METTL16: variants seen among roughly 807,000 people sequenced by gnomAD.
METTL16 encodes RNA N(6)-adenosine-methyltransferase METTL16.
In METTL16, 19 loss-of-function variants were observed where a neutral mutation model predicts 57.9. The observed-to-expected ratio is 0.33, with a 90% CI of 0.23 to 0.48. METTL16 has a LOEUF of 0.48. Among genes scored for constraint, METTL16 ranks in the 20% least tolerant of loss-of-function variants. The probability of loss-of-function intolerance (pLI) is 0.99; values close to 1 mark genes in which losing one functional copy is unlikely to be tolerated. For synonymous variants in METTL16, 246 were observed against 255.6 expected, an observed-to-expected ratio of 0.96 and a Z score of 0.36; for missense variants, 434 against 691.5, an observed-to-expected ratio of 0.63 and a Z score of 4.18.
Position 2,417,058 on chromosome 17 carries a change from C to CTTTTTTTTTTTTTTTTTTTTTTTTTTT in METTL16, c.*2885_*2911dup, listed in dbSNP as rs59854056. On this transcript the variant is annotated 3_prime_UTR_variant, in exon 10 of 10. Transcript: ENST00000263092. ...TGAAAGCTGGCCTGCTCATGGGTTCCTTTTTTTTTTTTTTTTTTTTTTTTT... is the reference window on the plus strand; with the variant it reads ...TGAAAGCTGGCCTGCTCATGGGTTCCTTTTTTTTTTTTTTTTTTTTTTTTTTTTTTTTTTTTTTTTTTTTTTTTTTTT... 2.6e-4 allele frequency: 16 copies of CTTTTTTTTTTTTTTTTTTTTTTTTTTT among 61,528 alleles called. 5 individuals carry two copies. Among genetic ancestry groups the CTTTTTTTTTTTTTTTTTTTTTTTTTTT allele is most frequent in the East Asian group, 1.6e-3 (2 of 1,274 alleles). 3.8% of individuals were successfully genotyped at this position (61,528 alleles called of 1,614,324 possible).
At chr17:2,482,816 C>T in intron 2 of METTL16, among the ~76,000 whole-genome samples, 1 of 152,120 alleles carries the variant, frequency 6.6e-6, no homozygotes, top group Non-Finnish European at 1.5e-5. Flanking sequence ...ACGCAGGAGG[C>T]AGGAGGATCA....
intron 8 of METTL16, among the ~76,000 whole-genome samples, chr17:2,426,224 CCGT>C (rs1156678247): frequency 1.3e-5 from 2 of 152,124 alleles, no homozygotes; most frequent in African/African-American, 4.8e-5. Context: ...AGTGCAGTGG[CCGT>C]CTGTTTTTTA....
chr17:2,416,059 T>C lies in METTL16; in HGVS notation c.*3911A>G, dbSNP rs2066712355. Reference sequence around the variant, plus strand: ...AGACCATGGCTAGTGTTTTTTTCTCTTTCTACTTTTATTTTTCAAATTTTA... The same window carrying C: ...AGACCATGGCTAGTGTTTTTTTCTCCTTCTACTTTTATTTTTCAAATTTTA... On this transcript the variant is annotated 3_prime_UTR_variant, in exon 10 of 10. Coordinates refer to ENST00000263092, the MANE Select transcript of METTL16 (RefSeq NM_024086.4). 6.6e-6 allele frequency: 1 copy of C among 152,238 alleles called. No individual in the cohort carries two copies. The highest frequency in any genetic ancestry group is 2.4e-5 in the African/African-American group (1 of 41,468). The allele number at this position is 152,238 out of a possible 1,614,324, so 9.4% of individuals were successfully genotyped here. A position where few individuals can be genotyped will look rare whatever the true frequency, so the allele number is the denominator to read the frequency against.
intron 8 of METTL16, among the ~76,000 whole-genome samples, chr17:2,433,727 A>C (rs972887527): frequency 3.3e-5 from 5 of 152,210 alleles, no homozygotes; most frequent in African/African-American, 1.2e-4. Context: ...CCAGTGCTTC[A>C]AATCTACTAA....
intron 3 of METTL16, among the ~76,000 whole-genome samples, chr17:2,474,386 G>GAAAAAAAAAAAAAAAAA (rs752477163): frequency 4.5e-4 from 27 of 60,130 alleles, no homozygotes; most frequent in East Asian, 6.7e-4. Context: ...GAAACAAAAA[G>GAAAAAAAAAAAAAAAAA]AAAAAAAAAA....
chr17:2,492,012 C>A (rs904658231), intron 2 of METTL16, among the ~76,000 whole-genome samples: 6 of 151,280 alleles, frequency 4.0e-5, no homozygotes, highest in Non-Finnish European at 7.4e-5. Flanking sequence ...GAGATCGAGA[C>A]CATCCTGGCT....
intron 2 of METTL16, among the ~76,000 whole-genome samples, chr17:2,485,927 C>T (rs1327927832): frequency 6.6e-6 from 1 of 152,112 alleles, no homozygotes; most frequent in African/African-American, 2.4e-5. Context: ...GAGGAGGCTT[C>T]CCTGCACAGA....
At chr17:2,496,023 T>C (rs147761808) in intron 2 of METTL16, among the ~76,000 whole-genome samples, 3,200 of 151,482 alleles carry the variant, frequency 0.021, 130 homozygotes, top group African/African-American at 0.047. Flanking sequence ...GGCAGGAGAA[T>C]TGCTTGTACC....
Position 2,497,305 on chromosome 17 carries a change from C to CTTTTT in METTL16, c.128+4894_128+4898dup, listed in dbSNP as rs781130501. ...ACAGGCGTGCGCCACTGCACCCGGCCTTTTTTTTTTTTTTTTTTTTTTTTT... is the reference window on the plus strand; with the variant it reads ...ACAGGCGTGCGCCACTGCACCCGGCCTTTTTTTTTTTTTTTTTTTTTTTTTTTTTT... On this transcript the variant is annotated intron_variant, in intron 2 of 9. Coordinates refer to ENST00000263092, the MANE Select transcript of METTL16 (RefSeq NM_024086.4). 2.4e-3 allele frequency among the ~76,000 whole-genome samples: 150 copies of CTTTTT among 63,778 alleles called. 8 individuals carry two copies. Among genetic ancestry groups the CTTTTT allele is most frequent in the African/African-American group, 3.0e-3 (42 of 14,206 alleles). 41.8% of individuals were successfully genotyped at this position (63,778 alleles called of 152,430 possible).
rs192310287 is a variant in METTL16, at chr17:2,463,296, G to C, written c.728+912C>G. ...TTTGAATCCGTTTTGTTCTATCACAGGACCATCCTAATGGGAGCAATACAA... is the reference window on the plus strand; with the variant it reads ...TTTGAATCCGTTTTGTTCTATCACACGACCATCCTAATGGGAGCAATACAA... On this transcript the variant is annotated intron_variant, in intron 6 of 9. Transcript: ENST00000263092. Among the ~76,000 whole-genome samples, 251 of 152,242 alleles carry C rather than the reference G, an allele frequency of 1.6e-3. 3 individuals carry two copies. The highest frequency in any genetic ancestry group is 5.6e-3 in the African/African-American group (233 of 41,542).
chr17:2,459,083 G>C (rs2067130764), intron 6 of METTL16, among the ~76,000 whole-genome samples: 1 of 152,158 alleles, frequency 6.6e-6, no homozygotes, highest in African/African-American at 2.4e-5. Flanking sequence ...TGGGATTACA[G>C]GTGTGAGCCA....
chr17:2,434,318 G>A (rs766161858), intron 8 of METTL16, among the ~76,000 whole-genome samples: 6 of 152,150 alleles, frequency 3.9e-5, no homozygotes, highest in Non-Finnish European at 7.3e-5. Context: ...AGGTTCAAGC[G>A]ATTCTCCTGC....
At chr17:2,456,009 TA>T (rs1469958168) in intron 6 of METTL16, among the ~76,000 whole-genome samples, 2 of 150,878 alleles carry the variant, frequency 1.3e-5, no homozygotes, top group East Asian at 3.9e-4. Flanking sequence ...ATTAATTAAT[TA>T]AAATAAAATA....
intron 3 of METTL16, among the ~76,000 whole-genome samples, chr17:2,474,934 A>G (rs1597461354): frequency 1.3e-5 from 2 of 151,642 alleles, no homozygotes. Context: ...TCTCTCTTAC[A>G]ATATTGACTA....
chr17:2,494,803 T>C (rs4490040), intron 2 of METTL16, among the ~76,000 whole-genome samples: 1 of 151,516 alleles, frequency 6.6e-6, no homozygotes, highest in Non-Finnish European at 1.5e-5. Flanking sequence ...ATCGAGACCA[T>C]CCTGGCCAAC....
At chr17:2,423,178 C>T (rs569253785) in intron 8 of METTL16, among the ~76,000 whole-genome samples, 7 of 152,022 alleles carry the variant, frequency 4.6e-5, no homozygotes, top group African/African-American at 9.6e-5. Context: ...AACTAACCAG[C>T]GGCCTCACAC....
rs543325592 is a variant in METTL16, at chr17:2,498,638, CTGAGACAGGAGAA to C, written c.128+3553_128+3565del. On this transcript the variant is annotated intron_variant, in intron 2 of 9. Coordinates refer to ENST00000263092, the MANE Select transcript of METTL16 (RefSeq NM_024086.4). Reference sequence around the variant, plus strand: ...CCTGTAATCCCAGCTACTCAGGAGGCTGAGACAGGAGAATCGTTTGAACCCAGGAGGCGGAGGT... The same window carrying C: ...CCTGTAATCCCAGCTACTCAGGAGGCTCGTTTGAACCCAGGAGGCGGAGGT... 3.3e-4 allele frequency among the ~76,000 whole-genome samples: 50 copies of C among 151,150 alleles called. No homozygotes were observed. In the East Asian group the frequency reaches 9.5e-3, roughly 29 times the overall value.
intron 3 of METTL16, among the ~76,000 whole-genome samples, chr17:2,476,951 C>A (rs1439799660): frequency 1.4e-5 from 2 of 143,196 alleles, no homozygotes; most frequent in Non-Finnish European, 3.1e-5. Context: ...AGCAAAATTC[C>A]GTTTCAAAAA....
intron 6 of METTL16, among the ~76,000 whole-genome samples, chr17:2,445,095 C>T (rs962807717): frequency 6.6e-6 from 1 of 152,120 alleles, no homozygotes; most frequent in African/African-American, 2.4e-5. Flanking sequence ...CGTGATCCAC[C>T]CACCTTGGCC....
Sources: allele counts gnomAD v4.1 joint callset (sites outside exome capture counted in the v4.1 genomes callset), GRCh38; gene constraint gnomAD v4.1.1; transcripts MANE v1.5; gene names NCBI Gene and HGNC (gene_info 2026-07-23, HGNC 2026-07-21).